LHFPL6: variants seen among roughly 807,000 people sequenced by gnomAD.
LHFPL6 encodes LHFPL tetraspan subfamily member 6 protein.
Under a neutral mutation model 20.6 loss-of-function variants are expected in LHFPL6, and 9 were observed. That is an observed-to-expected ratio of 0.44 (90% confidence interval 0.26 to 0.76). LHFPL6 has a LOEUF of 0.76. Ranked by LOEUF, LHFPL6 falls within the 30% of genes least tolerant of loss-of-function variation. The pLI is 0.20. For synonymous variants in LHFPL6, 105 were observed against 98.7 expected (o/e 1.06, Z -0.38); for missense variants, 218 against 253.5 (o/e 0.86, Z 0.95).
intron 2 of LHFPL6, among the ~76,000 whole-genome samples, chr13:39,567,715 G>A (rs1269113856): frequency 6.6e-6 from 1 of 152,234 alleles, no homozygotes; most frequent in East Asian, 1.9e-4. Flanking sequence ...ATTTGGCCCT[G>A]GGGCATAGTT....
Position 39,479,790 on chromosome 13 carries a change from C to T in LHFPL6, c.386-101264G>A, listed in dbSNP as rs112904308. ...AGTCTGCATACTAATAGCAAACTAT[C>T]AGCTAAACTCTGTGTAGCTGAGTCA... On this transcript the variant is annotated intron_variant, in intron 2 of 3. Transcript: ENST00000379589. Among the ~76,000 whole-genome samples the T allele has an allele frequency of 3.9e-4, 59 of 152,256 alleles. 1 individual carries two copies. Among genetic ancestry groups the T allele is most frequent in the African/African-American group, 1.3e-3 (54 of 41,554 alleles).
At chr13:39,358,106 A>G (rs1338503979) in intron 3 of LHFPL6, among the ~76,000 whole-genome samples, 1 of 152,220 alleles carries the variant, frequency 6.6e-6, no homozygotes, top group Non-Finnish European at 1.5e-5. Context: ...CTAAGAAAAA[A>G]GAATAAAGCT....
At chr13:39,531,896 T>C (rs1222081167) in intron 2 of LHFPL6, among the ~76,000 whole-genome samples, 1 of 152,112 alleles carries the variant, frequency 6.6e-6, no homozygotes, top group Non-Finnish European at 1.5e-5. Context: ...TGAAAAGCAT[T>C]TCAGGGTGTC....
At chr13:39,463,382 T>C (rs1872730444) in intron 2 of LHFPL6, among the ~76,000 whole-genome samples, 1 of 151,534 alleles carries the variant, frequency 6.6e-6, no homozygotes, top group Non-Finnish European at 1.5e-5. Flanking sequence ...CTTATTGTGT[T>C]TATTCTACTA....
chr13:39,598,790 C>T (rs1410712259), intron 2 of LHFPL6, among the ~76,000 whole-genome samples: 4 of 152,154 alleles, frequency 2.6e-5, no homozygotes, highest in African/African-American at 9.7e-5. Context: ...ATCTCCTGAC[C>T]TCGTGATCCA....
chr13:39,416,000 T>C (rs1871338547), intron 2 of LHFPL6, among the ~76,000 whole-genome samples: 1 of 152,186 alleles, frequency 6.6e-6, no homozygotes, highest in Admixed American at 6.5e-5. Context: ...ATAGCAAGTG[T>C]ATAATGACAG....
chr13:39,426,625 A>G (rs1249756297), intron 2 of LHFPL6, among the ~76,000 whole-genome samples: 1 of 152,182 alleles, frequency 6.6e-6, no homozygotes, highest in Non-Finnish European at 1.5e-5. Flanking sequence ...TTAGAATAAC[A>G]TTTTCAAGGT....
At chr13:39,380,274 G>A (rs1397518653) in intron 2 of LHFPL6, among the ~76,000 whole-genome samples, 1 of 152,152 alleles carries the variant, frequency 6.6e-6, no homozygotes, top group Non-Finnish European at 1.5e-5. Flanking sequence ...GACAAATGCA[G>A]AAAGGCATCT....
At chr13:39,515,581 A>G (rs1869884783) in intron 2 of LHFPL6, among the ~76,000 whole-genome samples, 1 of 152,176 alleles carries the variant, frequency 6.6e-6, no homozygotes, top group South Asian at 2.1e-4. Flanking sequence ...TTGTTTGATA[A>G]TCATTCTAAG....
chr13:39,419,010 T>G (rs1871416090), intron 2 of LHFPL6, among the ~76,000 whole-genome samples: 1 of 152,202 alleles, frequency 6.6e-6, no homozygotes, highest in South Asian at 2.1e-4. Context: ...GTTTTCCTTA[T>G]TTTATTTTAT....
chr13:39,470,766 G>GA (rs889260052), intron 2 of LHFPL6, among the ~76,000 whole-genome samples: 12 of 152,034 alleles, frequency 7.9e-5, no homozygotes, highest in African/African-American at 2.4e-4. Flanking sequence ...GAATTTGAGT[G>GA]AAAAAAACCC....
chr13:39,352,597 A>G (rs1270977718), intron 3 of LHFPL6, among the ~76,000 whole-genome samples: 1 of 152,110 alleles, frequency 6.6e-6, no homozygotes, highest in Non-Finnish European at 1.5e-5. Flanking sequence ...CTGAGCACCC[A>G]TAATGCCTTG....
chr13:39,523,118 C>A (rs1257228205), intron 2 of LHFPL6, among the ~76,000 whole-genome samples: 1 of 152,192 alleles, frequency 6.6e-6, no homozygotes, highest in African/African-American at 2.4e-5. Flanking sequence ...GCCTTTATTT[C>A]ATCCTTTATA....
chr13:39,411,139 G>A (rs892893391), intron 2 of LHFPL6, among the ~76,000 whole-genome samples: 1 of 152,132 alleles, frequency 6.6e-6, no homozygotes, highest in African/African-American at 2.4e-5. Context: ...ATTCCTGGGG[G>A]CAGTGAGTTG....
intron 2 of LHFPL6, among the ~76,000 whole-genome samples, chr13:39,383,513 T>C (rs1472389326): frequency 6.6e-6 from 1 of 152,244 alleles, no homozygotes; most frequent in Non-Finnish European, 1.5e-5. Flanking sequence ...GGCTACCATA[T>C]TGGACAGTGT....
chr13:39,348,132 T>C (rs74044028), intron 3 of LHFPL6, among the ~76,000 whole-genome samples: 1,591 of 152,162 alleles, frequency 0.01, 30 homozygotes, highest in African/African-American at 0.037. Context: ...GGCAGAGAAG[T>C]CAATAAAATA....
chr13:39,590,465 C>A (rs1018563492), intron 2 of LHFPL6, among the ~76,000 whole-genome samples: 1 of 152,192 alleles, frequency 6.6e-6, no homozygotes, highest in Non-Finnish European at 1.5e-5. Context: ...ATTAATGTTC[C>A]TCAGAACTCA....
intron 3 of LHFPL6, among the ~76,000 whole-genome samples, chr13:39,349,524 T>C (rs1869503541): frequency 6.6e-6 from 1 of 152,232 alleles, no homozygotes; most frequent in African/African-American, 2.4e-5. Context: ...TATGAATGAA[T>C]CACTGGGTAC....
chr13:39,421,104 C>A (rs117646502), intron 2 of LHFPL6, among the ~76,000 whole-genome samples: 67 of 151,904 alleles, frequency 4.4e-4, no homozygotes, highest in Non-Finnish European at 6.8e-4. Flanking sequence ...ACAACAACAA[C>A]AAAAAAAACT....
Sources: allele counts gnomAD v4.1 joint callset (sites outside exome capture counted in the v4.1 genomes callset), GRCh38; gene constraint gnomAD v4.1.1; transcripts MANE v1.5; gene names NCBI Gene and HGNC (gene_info 2026-07-23, HGNC 2026-07-21).